Variants in PRKAR2A observed in about 807,000 individuals in gnomAD.
PRKAR2A encodes the protein cAMP-dependent protein kinase type II-alpha regulatory subunit.
In PRKAR2A, 29 loss-of-function variants were observed where a neutral mutation model predicts 51.9. The ratio of observed to expected loss-of-function variants is 0.56; its 90% CI spans 0.42 to 0.76. PRKAR2A has a LOEUF of 0.76. Ranked by LOEUF, PRKAR2A falls within the 30% of genes least tolerant of loss-of-function variation. PRKAR2A has a pLI of 0.00. For synonymous variants in PRKAR2A, 178 were observed against 186.2 expected (o/e 0.96, Z 0.36); for missense variants, 445 against 512.1 (o/e 0.87, Z 1.26).
intron 6 of PRKAR2A, among the ~76,000 whole-genome samples, chr3:48,769,157 C>CTTTCTTT (rs758961539): frequency 2.2e-5 from 3 of 136,282 alleles, no homozygotes; most frequent in Non-Finnish European, 4.6e-5. Flanking sequence ...AAATATCTTT[C>CTTTCTTT]TTTTTTTTTT....
chr3:48,820,829 G>A (rs957870246), intron 1 of PRKAR2A, among the ~76,000 whole-genome samples: 4 of 152,166 alleles, frequency 2.6e-5, no homozygotes, highest in Non-Finnish European at 2.9e-5. Context: ...GAAAAGAAAT[G>A]TGAAAAAGTG....
intron 1 of PRKAR2A, among the ~76,000 whole-genome samples, chr3:48,808,045 TTTC>T (rs1559633068): frequency 6.5e-5 from 9 of 139,424 alleles, no homozygotes; most frequent in Non-Finnish European, 7.9e-5. Flanking sequence ...TTTTTCTTTC[TTTC>T]TTTTTTTTTT....
intron 1 of PRKAR2A, among the ~76,000 whole-genome samples, chr3:48,827,265 C>CA (rs1330974252): frequency 1.3e-5 from 2 of 148,938 alleles, no homozygotes; most frequent in African/African-American, 5.0e-5. Flanking sequence ...ATGGAGTCAC[C>CA]AAAAACAAAG....
intron 1 of PRKAR2A, among the ~76,000 whole-genome samples, chr3:48,844,419 G>A (rs2083428201): frequency 6.7e-6 from 1 of 150,266 alleles, no homozygotes; most frequent in African/African-American, 2.5e-5. Context: ...CATTGTGGAA[G>A]TCAGTGTGGC....
At chr3:48,828,017 C>T (rs973201793) in intron 1 of PRKAR2A, among the ~76,000 whole-genome samples, 1 of 152,052 alleles carries the variant, frequency 6.6e-6, no homozygotes, top group African/African-American at 2.4e-5. Flanking sequence ...AGACGCCCGC[C>T]ACCACACCTG....
intron 5 of PRKAR2A, among the ~76,000 whole-genome samples, chr3:48,773,765 CAT>C (rs1416714438): frequency 2.0e-5 from 3 of 151,538 alleles, no homozygotes; most frequent in African/African-American, 7.3e-5. Context: ...CACACACACA[CAT>C]ATATACATAC....
In PRKAR2A at chr3:48,836,915, G is replaced by C. The variant is rs527853976; in HGVS notation, c.262+10420C>G. Among the ~76,000 whole-genome samples the C allele has an allele frequency of 8.5e-4, 129 of 152,052 alleles. 1 individual carries two copies. The highest frequency in any genetic ancestry group is 4.8e-3 in the South Asian group (23 of 4,814). On this transcript the variant is annotated intron_variant, in intron 1 of 10. Coordinates refer to ENST00000265563, the MANE Select transcript of PRKAR2A (RefSeq NM_004157.4). ...GGGAGATGAGGCGAGCAAATCACCT[G>C]AGCTCAGGAGTTCGAGACCAGCCTG...
intron 1 of PRKAR2A, among the ~76,000 whole-genome samples, chr3:48,816,907 T>C (rs910504802): frequency 2.6e-5 from 4 of 151,958 alleles, no homozygotes; most frequent in Non-Finnish European, 4.4e-5. Flanking sequence ...GGAGACTGGG[T>C]ACAATGGCTC....
Position 48,836,212 on chromosome 3 carries a change from G to A in PRKAR2A, c.262+11123C>T, listed in dbSNP as rs574866566. ...AATCAGGTGCATCACGAGGTCAGGAGTTCAAGACCAGCCTGACCAACATAG... is the reference window on the plus strand; with the variant it reads ...AATCAGGTGCATCACGAGGTCAGGAATTCAAGACCAGCCTGACCAACATAG... On this transcript the variant is annotated intron_variant, in intron 1 of 10. Coordinates refer to ENST00000265563, the MANE Select transcript of PRKAR2A (RefSeq NM_004157.4). Among the ~76,000 whole-genome samples, 3 of 151,842 alleles carry A rather than the reference G, an allele frequency of 2.0e-5. 1 individual carries two copies. In the East Asian group the frequency reaches 5.8e-4, roughly 30 times the overall value.
chr3:48,765,178 C>A, intron 7 of PRKAR2A, 70 bp downstream of exon 7: 1 of 1,548,044 alleles, frequency 6.5e-7, no homozygotes, highest in Non-Finnish European at 8.9e-7. Context: ...GATTTGAAAA[C>A]CTAACAACAG....
chr3:48,793,088 T>C (rs2082417942), intron 3 of PRKAR2A, among the ~76,000 whole-genome samples: 1 of 151,724 alleles, frequency 6.6e-6, no homozygotes, highest in Non-Finnish European at 1.5e-5. Flanking sequence ...ATTTTCTATA[T>C]ATACATACAT....
chr3:48,847,652 C>A lies in PRKAR2A; in HGVS notation c.-56G>T. 1.4e-6 allele frequency: 2 copies of A among 1,388,916 alleles called. No homozygotes were observed. Among genetic ancestry groups the A allele is most frequent in the Non-Finnish European group, 9.3e-7 (1 of 1,075,954 alleles). The allele number at this position is 1,388,916 out of a possible 1,614,324, so 86.0% of individuals were successfully genotyped here. A position where few individuals can be genotyped will look rare whatever the true frequency, so the allele number is the denominator to read the frequency against. ...GGGCCGCCGGCGGCCACTGTCTCCG[C>A]GCTCACTCACGCCGGCCTTTCGCTC... On this transcript the variant is annotated 5_prime_UTR_variant, in exon 1 of 11. Coordinates refer to ENST00000265563, the MANE Select transcript of PRKAR2A (RefSeq NM_004157.4). The surrounding 1 kb of genome is among the most constrained non-coding windows in gnomAD (Gnocchi z 4.4).
At chr3:48,823,011 A>G (rs1480374530) in intron 1 of PRKAR2A, among the ~76,000 whole-genome samples, 1 of 152,162 alleles carries the variant, frequency 6.6e-6, no homozygotes. Flanking sequence ...CTAAAGCATA[A>G]AGCAAACGTA....
chr3:48,844,005 G>C (rs1379952816), intron 1 of PRKAR2A, among the ~76,000 whole-genome samples: 1 of 149,160 alleles, frequency 6.7e-6, no homozygotes, highest in Non-Finnish European at 1.5e-5. Flanking sequence ...TTAAACTAAA[G>C]AGCTTCTGCA....
intron 1 of PRKAR2A, among the ~76,000 whole-genome samples, chr3:48,832,232 TGCA>T (rs1208691492): frequency 6.8e-6 from 1 of 147,596 alleles, no homozygotes; most frequent in Non-Finnish European, 1.5e-5. Context: ...AGGTGGAGGT[TGCA>T]GCGAGCCGAG....
intron 1 of PRKAR2A, among the ~76,000 whole-genome samples, chr3:48,819,666 G>T (rs898591182): frequency 6.6e-6 from 1 of 152,130 alleles, no homozygotes; most frequent in Non-Finnish European, 1.5e-5. Flanking sequence ...CCTGTGGAAG[G>T]ATCATGTTGC....
chr3:48,825,028 C>CTTTT lies in PRKAR2A; in HGVS notation c.263-17348_263-17345dup, dbSNP rs1168503342. Among the ~76,000 whole-genome samples, 513 of 74,146 alleles carry CTTTT rather than the reference C, an allele frequency of 6.9e-3. 1 individual carries two copies. The highest frequency in any genetic ancestry group is 0.014 in the East Asian group (23 of 1,656). The allele number at this position is 74,146 out of a possible 152,430, so 48.6% of individuals were successfully genotyped here. On this transcript the variant is annotated intron_variant, in intron 1 of 10. Coordinates refer to ENST00000265563, the MANE Select transcript of PRKAR2A (RefSeq NM_004157.4). ...CTTGAATTTATACTGATTTTCTTTT[C>CTTTT]TTTTTTTTTTTTTTTTTTTTTTGGA...
chr3:48,752,348 G>A (rs766994179), intron 9 of PRKAR2A, 31 bp from the exon 10 acceptor site: 1 of 1,606,554 alleles, frequency 6.2e-7, no homozygotes, highest in Non-Finnish European at 8.5e-7. Context: ...GACCTAGGCT[G>A]ACTCCAGGAT....
intron 9 of PRKAR2A, among the ~76,000 whole-genome samples, chr3:48,755,313 C>G (rs910031806): frequency 1.3e-5 from 2 of 151,640 alleles, no homozygotes; most frequent in Admixed American, 6.6e-5. Flanking sequence ...AACTTTTACT[C>G]AATATATTTT....
Sources: allele counts gnomAD v4.1 joint callset (sites outside exome capture counted in the v4.1 genomes callset), GRCh38; gene constraint gnomAD v4.1.1; non-coding constraint Gnocchi (gnomAD v3.1); transcripts MANE v1.5; gene names NCBI Gene and HGNC (gene_info 2026-07-23, HGNC 2026-07-21).